Variants in TRPV1 observed in about 807,000 individuals in gnomAD.
TRPV1 encodes the protein transient receptor potential cation channel subfamily V member 1.
TRPV1 carries 82 observed loss-of-function variants against 82.3 expected under a neutral mutation model. That is an observed-to-expected ratio of 1.00 (90% CI 0.83 to 1.20). TRPV1 has a LOEUF of 1.20. TRPV1 is among the 50% of genes most tolerant of loss of function. The pLI is 0.00. For missense variants in TRPV1, 1,067 were observed against 1,096.8 expected (o/e 0.97, Z 0.38); for synonymous variants, 515 against 467.7 (o/e 1.10, Z -1.30).
intron 5 of TRPV1, among the ~76,000 whole-genome samples, chr17:3,590,714 G>A (rs375512875): frequency 2.3e-4 from 35 of 152,332 alleles, no homozygotes; most frequent in African/African-American, 7.9e-4. Context: ...CCAGTCAGCA[G>A]GGGGAGGCAG....
intron 14 of TRPV1, among the ~76,000 whole-genome samples, chr17:3,573,020 T>C (rs1219800343): frequency 1.5e-5 from 2 of 133,546 alleles, no homozygotes; most frequent in South Asian, 4.7e-4. Flanking sequence ...GGAACAGTAA[T>C]AGAATCCACT....
intron 5 of TRPV1, 117 bp from the exon 6 acceptor site, chr17:3,590,509 G>C: frequency 1.4e-6 from 2 of 1,447,456 alleles, no homozygotes; most frequent in Non-Finnish European, 1.8e-6. Flanking sequence ...TGGGCAGAAA[G>C]TGCCTGGAGG....
chr17:3,573,232 C>T (rs2074882388), intron 14 of TRPV1, among the ~76,000 whole-genome samples: 1 of 152,144 alleles, frequency 6.6e-6, no homozygotes. Context: ...CCTCTGGTGC[C>T]CACCTTACAC....
chr17:3,606,170 A>G (rs941451603), intron 2 of TRPV1, among the ~76,000 whole-genome samples: 2 of 152,150 alleles, frequency 1.3e-5, no homozygotes, highest in African/African-American at 4.8e-5. Context: ...CATGTTGGCC[A>G]GGCCGGTCTC....
chr17:3,567,785 A>AG lies in TRPV1; in HGVS notation c.2348-799_2348-798insC, dbSNP rs1384964487. Reference sequence around the variant, plus strand: ...AACAAGATTCTGTCTCAAAAAAAAAAAAAAGAAAAAAATTATAAAGGTGAC... The same window carrying AG: ...AACAAGATTCTGTCTCAAAAAAAAAAGAAAAGAAAAAAATTATAAAGGTGAC... On this transcript the variant is annotated intron_variant, in intron 16 of 16. Coordinates refer to ENST00000572705, the MANE Select transcript of TRPV1 (RefSeq NM_080704.4). Among the ~76,000 whole-genome samples the AG allele has an allele frequency of 2.0e-5, 3 of 151,990 alleles. No homozygotes were observed. The East Asian group carries it at 5.8e-4, about 29-fold the overall frequency.
chr17:3,594,148 AAAAAGAAGCAGC>A (rs1432991808), intron 2 of TRPV1, among the ~76,000 whole-genome samples: 6 of 123,788 alleles, frequency 4.8e-5, no homozygotes, highest in African/African-American at 3.3e-4. Context: ...AAAAAAAAAA[AAAAAGAAGCAGC>A]AGCAGCAGCA....
At position 3,571,640 on chromosome 17, in the gene TRPV1, C is replaced by A; in HGVS notation, c.2232-1G>T. The A allele has an allele frequency of 6.2e-7, 1 of 1,605,704 alleles. No homozygotes were observed. Among genetic ancestry groups the A allele is most frequent in the Non-Finnish European group, 8.5e-7 (1 of 1,175,910 alleles). On this transcript the variant is annotated splice_acceptor_variant, in intron 15 of 16. Transcript: ENST00000572705. LOFTEE classifies it high-confidence loss of function. ...GGTGGTCCAGTTCACCTCGTCCACC[C>A]TGCAGGGTAAGGGGTCGGGAGAGCC... is the stretch of plus-strand genomic sequence containing the variant.
At chr17:3,603,058 T>C (rs923736676) in intron 2 of TRPV1, among the ~76,000 whole-genome samples, 2 of 151,340 alleles carry the variant, frequency 1.3e-5, no homozygotes, top group African/African-American at 4.9e-5. Context: ...GAGGTGGAGG[T>C]TGCATGAGCT....
chr17:3,599,647 G>A (rs1264083831), intron 2 of TRPV1, among the ~76,000 whole-genome samples: 2 of 126,488 alleles, frequency 1.6e-5, no homozygotes, highest in Admixed American at 7.9e-5. Context: ...TTTTTTTTTC[G>A]AGATGAAGTC....
intron 16 of TRPV1, among the ~76,000 whole-genome samples, chr17:3,567,847 A>G (rs985729168): frequency 6.6e-6 from 1 of 152,026 alleles, no homozygotes; most frequent in Non-Finnish European, 1.5e-5. Flanking sequence ...TCCCTGCCCC[A>G]GTTAACATGG....
chr17:3,571,976 A>G, intron 15 of TRPV1, 146 bp downstream of exon 15: 2 of 1,073,942 alleles, frequency 1.9e-6, no homozygotes. Flanking sequence ...AGCTGAGCTC[A>G]GGACGGCCCC....
intron 11 of TRPV1, chr17:3,578,175 G>T (rs2074959276): frequency 6.1e-6 from 1 of 164,480 alleles, no homozygotes; most frequent in East Asian, 1.6e-4. Context: ...AGGCATGGTG[G>T]TGCACGCCTG....
chr17:3,578,024 G>C, intron 11 of TRPV1: 1 of 334,196 alleles, frequency 3.0e-6, no homozygotes, highest in Non-Finnish European at 5.7e-6. Flanking sequence ...GTACCTAAAG[G>C]CCAGGCGCAG....
Position 3,585,844 on chromosome 17 carries a change from TAGA to T in TRPV1, c.1304_1306del (p.Phe435del), listed in dbSNP as rs749998094. On this transcript the variant is annotated inframe_deletion, in exon 9 of 17. Transcript: ENST00000572705. ...CAGGCAGTAGACCAGGAAGTTGAAG[TAGA>T]AGATGCGCTTGACGAATCTGTCCCA... 6.2e-7 allele frequency: 1 copy of T among 1,613,880 alleles called. No individual in the cohort carries two copies. The highest frequency in any genetic ancestry group is 1.7e-5 in the Admixed American group (1 of 60,014).
At chr17:3,586,209 C>T (rs2075083363) in intron 8 of TRPV1, among the ~76,000 whole-genome samples, 4 of 152,190 alleles carry the variant, frequency 2.6e-5, no homozygotes, top group Admixed American at 2.6e-4. Context: ...AATGGCCCAC[C>T]GCACTGCCCG....
chr17:3,604,610 AAAAAAAG>A (rs1597558638), intron 2 of TRPV1, among the ~76,000 whole-genome samples: 1 of 151,842 alleles, frequency 6.6e-6, no homozygotes, highest in Admixed American at 6.6e-5. Flanking sequence ...TCTCAAAAAA[AAAAAAAG>A]AAAAAGAAAA....
At position 3,595,515 on chromosome 17, in the gene TRPV1, A is replaced by C. The variant is rs374302361; in HGVS notation, c.-33-3132T>G. The C allele has an allele frequency of 6.6e-5, 10 of 152,374 alleles. No individual in the cohort carries two copies. In the East Asian group the frequency reaches 1.9e-3, roughly 29 times the overall value. 9.4% of individuals were successfully genotyped at this position (152,374 alleles called of 1,614,324 possible). On this transcript the variant is annotated intron_variant, in intron 2 of 16. Transcript: ENST00000572705. Reference sequence around the variant, plus strand: ...CCTGAACCTGAAGCACCTCTCGCTCAAACAAGCAGCTCAGGAACCCCAAAA... The same window carrying C: ...CCTGAACCTGAAGCACCTCTCGCTCCAACAAGCAGCTCAGGAACCCCAAAA...
rs201902077 is a variant in TRPV1, at chr17:3,585,931, G to T, written c.1225-5C>A. ...CAAGAGCATGTCGTGGCGATTCTAG[G>T]GGGTGGGGAGAGAAGTGAGGTTCCC... On this transcript the variant is annotated splice_region_variant and splice_polypyrimidine_tract_variant and intron_variant, in intron 8 of 16. Transcript: ENST00000572705. The T allele has an allele frequency of 3.1e-6, 5 of 1,613,470 alleles. No individual in the cohort carries two copies. The highest frequency in any genetic ancestry group is 2.7e-5 in the African/African-American group (2 of 74,908).
intron 3 of TRPV1, among the ~76,000 whole-genome samples, chr17:3,591,607 C>T (rs2075158758): frequency 6.6e-6 from 1 of 152,208 alleles, no homozygotes; most frequent in Admixed American, 6.5e-5. Context: ...ACTCCCAGAC[C>T]ACTGGCTTCT....
Sources: gnomAD v4.1 joint callset for allele counts (sites outside exome capture counted in the v4.1 genomes callset) on GRCh38, gnomAD v4.1.1 for gene constraint, MANE v1.5 for transcripts, NCBI Gene and HGNC (gene_info 2026-07-23, HGNC 2026-07-21) for gene names.